The following TBC1D8 variants were observed in gnomAD, a reference collection of about 807,000 sequenced individuals.
TBC1D8 encodes the protein TBC1 domain family member 8, also known as BUB2-like protein 1.
In TBC1D8, 65 loss-of-function variants were observed where a neutral mutation model predicts 118.8. The observed-to-expected ratio is 0.55, with a 90% CI of 0.45 to 0.67. TBC1D8 has a LOEUF of 0.67. Ranked by LOEUF, TBC1D8 falls within the 30% of genes least tolerant of loss-of-function variation. The pLI is 0.00. For synonymous variants in TBC1D8, 566 were observed against 595.8 expected (o/e 0.95, Z 0.73); for missense variants, 1,376 against 1,471.2 (o/e 0.94, Z 1.06).
At position 101,090,314 on chromosome 2, in the gene TBC1D8, C is replaced by T. The variant is rs1312790159; in HGVS notation, c.178G>A (p.Ala60Thr). 5.6e-6 allele frequency: 9 copies of T among 1,613,846 alleles called. No homozygotes were observed. Among genetic ancestry groups the T allele is most frequent in the East Asian group, 4.5e-5 (2 of 44,882 alleles). Residue 60 changes from alanine to threonine, a missense_variant, in exon 2 of 20, where the codon GCT becomes ACT. Transcript: ENST00000409318. The part of the protein sequence containing the change: ...DAVLDSNARV[A>T]PFRILLQVPG... ...ACTTGAAGCAGAATTCGAAATGGAG[C>T]GACCCGTGCATTGGAATCCAACACT...
intron 2 of TBC1D8, among the ~76,000 whole-genome samples, chr2:101,069,856 T>C (rs1683213142): frequency 1.3e-5 from 2 of 152,188 alleles, no homozygotes. Context: ...CTTTCAGTTT[T>C]ACAGATAACA....
chr2:101,112,762 C>A (rs1472579211), intron 1 of TBC1D8, among the ~76,000 whole-genome samples: 2 of 152,188 alleles, frequency 1.3e-5, no homozygotes, highest in African/African-American at 4.8e-5. Flanking sequence ...CAGACATGCC[C>A]ATTTTAATCC....
intron 1 of TBC1D8, among the ~76,000 whole-genome samples, chr2:101,124,917 G>C (rs1678286428): frequency 6.6e-6 from 1 of 152,230 alleles, no homozygotes; most frequent in Non-Finnish European, 1.5e-5. Flanking sequence ...CACCAAGTGA[G>C]TCAGAGCCCT....
intron 2 of TBC1D8, among the ~76,000 whole-genome samples, chr2:101,065,054 C>T (rs1489029904): frequency 6.6e-6 from 1 of 152,092 alleles, no homozygotes; most frequent in Non-Finnish European, 1.5e-5. Flanking sequence ...TAGGTTTTTC[C>T]CAGAGGTGTT....
At chr2:101,095,115 C>T (rs1410666684) in intron 1 of TBC1D8, among the ~76,000 whole-genome samples, 3 of 152,222 alleles carry the variant, frequency 2.0e-5, no homozygotes, top group Admixed American at 6.5e-5. Context: ...CCAGGAACCC[C>T]GCCAGGTTCT....
intron 1 of TBC1D8, among the ~76,000 whole-genome samples, chr2:101,130,332 C>T (rs2104254674): frequency 6.6e-6 from 1 of 152,318 alleles, no homozygotes; most frequent in Non-Finnish European, 1.5e-5. Flanking sequence ...AGACAGGTGC[C>T]CGCGCCCTGA....
chr2:101,038,764 AAGG>A (rs1418708152), intron 6 of TBC1D8, 109 bp from the exon 7 acceptor site: 3 of 1,244,216 alleles, frequency 2.4e-6, no homozygotes, highest in Non-Finnish European at 3.4e-6. Context: ...TCACTGCAGA[AAGG>A]AGATGATGCA....
Position 101,028,392 on chromosome 2 carries a change from G to C in TBC1D8, c.2263C>G (p.Pro755Ala). ...AAAAAGGCATGGTGGCTGCCAACTGGGGGCCCTGGGCTGTCCTCATTCTTA... is the reference window on the plus strand; with the variant it reads ...AAAAAGGCATGGTGGCTGCCAACTGCGGGCCCTGGGCTGTCCTCATTCTTA... Reference protein sequence around the residue: ...HIKNEDSPGPPVGSHHAFFSD... With the variant: ...HIKNEDSPGPAVGSHHAFFSD... The change falls in exon 13 of 20, where the codon CCA becomes GCA. Residue 755 changes from proline to alanine, a missense_variant. Transcript: ENST00000409318. The C allele has an allele frequency of 6.2e-7, 1 of 1,608,594 alleles. No individual in the cohort carries two copies. Among genetic ancestry groups the C allele is most frequent in the African/African-American group, 1.3e-5 (1 of 74,980 alleles).
At chr2:101,013,854 C>T (rs934115869) in intron 17 of TBC1D8, among the ~76,000 whole-genome samples, 7 of 152,218 alleles carry the variant, frequency 4.6e-5, no homozygotes, top group African/African-American at 1.4e-4. Context: ...ATAATCCCAT[C>T]TCCACCATGC....
At chr2:101,014,239 T>A (rs2105365211) in intron 17 of TBC1D8, among the ~76,000 whole-genome samples, 1 of 152,228 alleles carries the variant, frequency 6.6e-6, no homozygotes, top group South Asian at 2.1e-4. Context: ...TGTTTCCATA[T>A]TTTTCAAAAT....
At chr2:101,071,718 G>A (rs573235041) in intron 2 of TBC1D8, among the ~76,000 whole-genome samples, 3 of 150,860 alleles carry the variant, frequency 2.0e-5, no homozygotes, top group East Asian at 3.9e-4. Flanking sequence ...AGTTTGCAGG[G>A]AAAAAAAAAG....
intron 1 of TBC1D8, among the ~76,000 whole-genome samples, chr2:101,132,666 G>A (rs1487256944): frequency 1.3e-5 from 2 of 152,234 alleles, no homozygotes; most frequent in South Asian, 2.1e-4. Flanking sequence ...ACAGTTCACT[G>A]CAGCCTCGAC....
In TBC1D8 at chr2:101,145,783, G is replaced by A. The variant is rs190088050; in HGVS notation, c.127+5344C>T. ...TTTACTCACTACGATTTAATGTGGT[G>A]AGAGGAGCCGTGTGCCCAAATCCTA... is the stretch of plus-strand genomic sequence containing the variant. On this transcript the variant is annotated intron_variant, in intron 1 of 19. Coordinates refer to ENST00000409318, the MANE Select transcript of TBC1D8 (RefSeq NM_001330348.2). 3.9e-5 allele frequency among the ~76,000 whole-genome samples: 6 copies of A among 152,312 alleles called. No individual in the cohort carries two copies. The East Asian group carries it at 1.2e-3, about 29-fold the overall frequency.
intron 1 of TBC1D8, among the ~76,000 whole-genome samples, chr2:101,134,195 TCTCACACACACACACA>T (rs1190784356): frequency 5.9e-3 from 373 of 62,844 alleles, no homozygotes; most frequent in African/African-American, 0.015. Context: ...TCTCTCTCTC[TCTCACACACACACACA>T]CACACACACA....
intron 1 of TBC1D8, among the ~76,000 whole-genome samples, chr2:101,149,430 G>A (rs955423126): frequency 3.3e-5 from 5 of 152,094 alleles, no homozygotes; most frequent in Non-Finnish European, 2.9e-5. Context: ...ATGGTGAATC[G>A]GCTGAAGGTA....
intron 3 of TBC1D8, among the ~76,000 whole-genome samples, chr2:101,056,207 ATT>A (rs201834408): frequency 0.094 from 13,133 of 140,010 alleles, 1,767 homozygotes; most frequent in African/African-American, 0.31. Flanking sequence ...TATTATTATT[ATT>A]TTTTTTTTTT....
intron 2 of TBC1D8, among the ~76,000 whole-genome samples, chr2:101,087,950 C>T (rs1324567429): frequency 6.6e-6 from 1 of 152,172 alleles, no homozygotes; most frequent in Non-Finnish European, 1.5e-5. Context: ...TTCCCTTAAC[C>T]TTACTTGAAC....
intron 1 of TBC1D8, chr2:101,109,759 G>GT (rs542881928): frequency 1.4e-3 from 1,355 of 982,416 alleles, no homozygotes; most frequent in Admixed American, 3.9e-3. Flanking sequence ...CAGAGCCCAC[G>GT]TTCTCTTCTA....
chr2:101,106,864 A>G (rs568730195), intron 1 of TBC1D8, among the ~76,000 whole-genome samples: 1 of 152,340 alleles, frequency 6.6e-6, no homozygotes, highest in Non-Finnish European at 1.5e-5. Flanking sequence ...TACATGAGAT[A>G]TTCACACTTT....
Sources: gnomAD v4.1 joint callset for allele counts (sites outside exome capture counted in the v4.1 genomes callset) on GRCh38, gnomAD v4.1.1 for gene constraint, MANE v1.5 for transcripts, NCBI Gene and HGNC (gene_info 2026-07-23, HGNC 2026-07-21) for gene names.